The following RSPH3 variants were observed in gnomAD, a reference collection of about 807,000 sequenced individuals.
RSPH3 encodes radial spoke head 3, also known as radial spoke head protein 3 homolog.
Under a neutral mutation model 43.8 loss-of-function variants are expected in RSPH3, and 21 were observed. The ratio of observed to expected loss-of-function variants is 0.48; its 90% confidence interval spans 0.34 to 0.69. The LOEUF (loss-of-function observed/expected upper bound fraction) is 0.69. RSPH3 is among the 30% of genes least tolerant of loss of function. The pLI is 0.01. For missense variants in RSPH3, 487 were observed against 516.0 expected, an observed-to-expected ratio of 0.94 and a Z score of 0.54; for synonymous variants, 173 against 179.8, an observed-to-expected ratio of 0.96 and a Z score of 0.30.
Position 158,983,692 on chromosome 6 carries a change from T to C in RSPH3, c.462A>G (p.Lys154=). ...CTTCTAGTATTTGGGTGGCCACATCTTTGCCAGTTTTGGCAGGAATAAAGA... is the reference window on the plus strand; with the variant it reads ...CTTCTAGTATTTGGGTGGCCACATCCTTGCCAGTTTTGGCAGGAATAAAGA... ...TPLFIPAKTG[K]DVATQILEGE... is the part of the protein sequence containing the mutation. The change falls in exon 4 of 8, where the codon AAA becomes AAG. Residue 154 remains lysine, a synonymous_variant. Transcript: ENST00000367069. 1.2e-6 allele frequency: 2 copies of C among 1,613,826 alleles called. No homozygotes were observed. Among genetic ancestry groups the C allele is most frequent in the South Asian group, 1.1e-5 (1 of 91,074 alleles).
chr6:158,999,221 TATC>T (rs1374331959), intron 1 of RSPH3, among the ~76,000 whole-genome samples: 2,694 of 152,278 alleles, frequency 0.018, 34 homozygotes, highest in Middle Eastern at 0.024. Context: ...CAGCAACTCA[TATC>T]ACTAAAAGTT....
At chr6:158,993,801 G>T in intron 2 of RSPH3, 38 bp downstream of exon 2, 1 of 1,115,640 alleles carries the variant, frequency 9.0e-7, no homozygotes, top group Non-Finnish European at 1.3e-6. Flanking sequence ...CATAGATAAT[G>T]TGAGAACACG....
chr6:158,977,827 T>C lies in RSPH3; in HGVS notation c.968A>G (p.Glu323Gly), dbSNP rs779924317. ...VLDMLIREVV[E>G]KRLCMYEHGE... ...ATGCTCATACATACACAGCCTCTTT[T>C]CAACCACCTCACGGATCAACACTGA... The change falls in exon 8 of 8, where the codon GAA becomes GGA. Residue 323 changes from glutamate (E) to glycine (G), a missense_variant. Glu to Gly is a moderately conservative substitution (Grantham distance 98). Transcript: ENST00000367069. 3.7e-6 allele frequency: 6 copies of C among 1,611,912 alleles called. No homozygotes were observed. The Admixed American group carries it at 1.0e-4, about 27-fold the overall frequency.
rs1777785710 is a variant in RSPH3, at chr6:158,974,885, G to C, written c.*2653C>G. On this transcript the variant is annotated 3_prime_UTR_variant, in exon 8 of 8. Transcript: ENST00000367069. ...AGAAGGAGTCTCACTCTGTCTTCCA[G>C]GCTGGAGTGCAGTGGCGCGATCTCG... 1 of 151,206 alleles carries C rather than the reference G, an allele frequency of 6.6e-6. No individual in the cohort carries two copies. The highest frequency in any genetic ancestry group is 1.5e-5 in the Non-Finnish European group (1 of 67,922). 9.4% of individuals were successfully genotyped at this position (151,206 alleles called of 1,614,324 possible).
intron 5 of RSPH3, among the ~76,000 whole-genome samples, chr6:158,981,574 TAA>T: frequency 6.6e-6 from 1 of 152,330 alleles, no homozygotes; most frequent in East Asian, 1.9e-4. Flanking sequence ...TATTTTTTGA[TAA>T]AGACTTCACG....
At chr6:158,984,432 A>C (rs1778145405) in intron 3 of RSPH3, among the ~76,000 whole-genome samples, 1 of 96,386 alleles carries the variant, frequency 1.0e-5, no homozygotes. Flanking sequence ...ATAAAAAGTC[A>C]ATTATATATA....
chr6:158,971,937 G>A (rs1777698481), downstream of RSPH3, among the ~76,000 whole-genome samples: 1 of 152,136 alleles, frequency 6.6e-6, no homozygotes, highest in Admixed American at 6.5e-5. Context: ...CCAGGATGGT[G>A]AGTGGGGAAG....
Position 158,977,517 on chromosome 6 carries a change from C to A in RSPH3, c.*21G>T. ...TGCTGACTTGGCTGTTGATTGGTTT[C>A]ATGACTTTGAAGCTTCCCTCCTATG... On this transcript the variant is annotated 3_prime_UTR_variant, in exon 8 of 8. Transcript: ENST00000367069. 6.4e-7 allele frequency: 1 copy of A among 1,574,658 alleles called. No individual in the cohort carries two copies. The highest frequency in any genetic ancestry group is 8.6e-7 in the Non-Finnish European group (1 of 1,164,518).
At chr6:158,968,462 C>G (rs1322769673), downstream of RSPH3, among the ~76,000 whole-genome samples, 1 of 151,278 alleles carries the variant, frequency 6.6e-6, no homozygotes, top group Non-Finnish European at 1.5e-5. Flanking sequence ...TCTTGAACTC[C>G]TGACCTCAAG....
chr6:158,999,753 C>G lies in RSPH3; in HGVS notation c.-203G>C, dbSNP rs1778792601. On this transcript the variant is annotated 5_prime_UTR_variant, in exon 1 of 8. Coordinates refer to ENST00000367069, the MANE Select transcript of RSPH3 (RefSeq NM_031924.8). ...AGCTATACTGGGCTCGCTCCCAGCA[C>G]CACAGAGACCAGCTGCGGGGGCCGC... The G allele has an allele frequency of 6.2e-7, 1 of 1,611,192 alleles. No individual in the cohort carries two copies. Among genetic ancestry groups the G allele is most frequent in the Admixed American group, 1.7e-5 (1 of 59,856 alleles).
chr6:158,998,780 G>C (rs1304959458), intron 1 of RSPH3, among the ~76,000 whole-genome samples: 2 of 151,372 alleles, frequency 1.3e-5, no homozygotes, highest in Non-Finnish European at 2.9e-5. Context: ...CGTTTGATCG[G>C]GGAGGAGTGG....
chr6:158,977,412 A>C lies in RSPH3; in HGVS notation c.*126T>G. 1 of 781,608 alleles carries C rather than the reference A, an allele frequency of 1.3e-6. No individual in the cohort carries two copies. Among genetic ancestry groups the C allele is most frequent in the Non-Finnish European group, 2.1e-6 (1 of 481,420 alleles). The allele number at this position is 781,608 out of a possible 1,614,324, so 48.4% of individuals were successfully genotyped here. On this transcript the variant is annotated 3_prime_UTR_variant, in exon 8 of 8. Transcript: ENST00000367069. ...TTATCACATTTGATTGGCCCAGTCC[A>C]TTACACAAAAAGACATACTGACTAA...
chr6:158,976,295 T>A lies in RSPH3; in HGVS notation c.*1243A>T, dbSNP rs537673018. The A allele has an allele frequency of 6.6e-6, 1 of 152,312 alleles. No homozygotes were observed. Among genetic ancestry groups the A allele is most frequent in the East Asian group, 1.9e-4 (1 of 5,184 alleles). 9.4% of individuals were successfully genotyped at this position (152,312 alleles called of 1,614,324 possible). On this transcript the variant is annotated 3_prime_UTR_variant, in exon 8 of 8. Coordinates refer to ENST00000367069, the MANE Select transcript of RSPH3 (RefSeq NM_031924.8). Reference sequence around the variant, plus strand: ...GGAAGGCTTTGGAGAGAAAATAACTTGTGATTTTAATACTGCAGGTAAATT... The same window carrying A: ...GGAAGGCTTTGGAGAGAAAATAACTAGTGATTTTAATACTGCAGGTAAATT...
At chr6:158,987,545 A>G (rs775054834) in intron 2 of RSPH3, among the ~76,000 whole-genome samples, 4 of 151,778 alleles carry the variant, frequency 2.6e-5, no homozygotes, top group Non-Finnish European at 4.4e-5. Flanking sequence ...TTCCTTCTTT[A>G]TTGTCTTTCT....
At chr6:158,996,187 GTTATT>G (rs1338306579) in intron 1 of RSPH3, among the ~76,000 whole-genome samples, 1 of 152,148 alleles carries the variant, frequency 6.6e-6, no homozygotes, top group Non-Finnish European at 1.5e-5. Flanking sequence ...CATTAAAAAT[GTTATT>G]TTATTGGAAG....
At chr6:158,988,705 G>C (rs1057416063) in intron 2 of RSPH3, among the ~76,000 whole-genome samples, 1 of 152,032 alleles carries the variant, frequency 6.6e-6, no homozygotes, top group African/African-American at 2.4e-5. Flanking sequence ...TTCAACAAAT[G>C]TATTACTCAG....
chr6:158,966,045 AT>A, the RSPH3 span, among the ~76,000 whole-genome samples: 1 of 152,098 alleles, frequency 6.6e-6, no homozygotes, highest in Non-Finnish European at 1.5e-5. Flanking sequence ...TATGGCATAT[AT>A]TCTTTTCTTT....
chr6:158,997,271 C>CTTTTTTTTTTT lies in RSPH3; in HGVS notation c.116+2153_116+2163dup, dbSNP rs35951023. 1.6e-4 allele frequency among the ~76,000 whole-genome samples: 21 copies of CTTTTTTTTTTT among 129,068 alleles called. 1 individual carries two copies. The highest frequency in any genetic ancestry group is 2.4e-4 in the Non-Finnish European group (15 of 62,902). 84.7% of individuals were successfully genotyped at this position (129,068 alleles called of 152,430 possible). ...ATTAAGACAAGTACTCTCCTGAACA[C>CTTTTTTTTTTT]TTTTTTTTTTTTTTTTTTGAGACAG... On this transcript the variant is annotated intron_variant, in intron 1 of 7. Coordinates refer to ENST00000367069, the MANE Select transcript of RSPH3 (RefSeq NM_031924.8).
chr6:158,987,025 C>CT, intron 2 of RSPH3, among the ~76,000 whole-genome samples: 1 of 152,132 alleles, frequency 6.6e-6, no homozygotes, highest in Non-Finnish European at 1.5e-5. Context: ...CTTTCTTTTT[C>CT]TTTTTTTCCT....
Sources: gnomAD v4.1 joint callset for allele counts (sites outside exome capture counted in the v4.1 genomes callset) on GRCh38, gnomAD v4.1.1 for gene constraint, MANE v1.5 for transcripts, NCBI Gene and HGNC (gene_info 2026-07-23, HGNC 2026-07-21) for gene names.